Variants in CNTNAP2 observed in about 807,000 individuals in gnomAD.
CNTNAP2 encodes contactin-associated protein-like 2.
CNTNAP2 carries 98 observed loss-of-function variants against 155.2 expected under a neutral mutation model. The ratio of observed to expected loss-of-function variants is 0.63; its 90% CI spans 0.54 to 0.75. The LOEUF is 0.75. Ranked by LOEUF, CNTNAP2 falls within the 30% of genes least tolerant of loss-of-function variation. The probability of loss-of-function intolerance (pLI) is 0.00; values close to 1 mark genes in which losing one functional copy is unlikely to be tolerated. For synonymous variants in CNTNAP2, 651 were observed against 631.2 expected (o/e 1.03, Z -0.47); for missense variants, 1,727 against 1,688.1 (o/e 1.02, Z -0.40).
intron 1 of CNTNAP2, among the ~76,000 whole-genome samples, chr7:146,230,776 G>T (rs572734240): frequency 6.6e-6 from 1 of 152,108 alleles, no homozygotes; most frequent in African/African-American, 2.4e-5. Flanking sequence ...AACACTTTGG[G>T]AGGCCGAGGC....
intron 8 of CNTNAP2, among the ~76,000 whole-genome samples, chr7:147,197,943 A>C (rs1157990296): frequency 6.6e-6 from 1 of 152,220 alleles, no homozygotes; most frequent in Non-Finnish European, 1.5e-5. Flanking sequence ...TTTTACTAAG[A>C]CTTAAGCAAA....
At chr7:147,836,628 A>G (rs117645742) in intron 13 of CNTNAP2, among the ~76,000 whole-genome samples, 1,576 of 152,204 alleles carry the variant, frequency 0.01, 15 homozygotes, top group Non-Finnish European at 0.016. Flanking sequence ...TTTTTCATTT[A>G]TATTTCTGGA....
intron 1 of CNTNAP2, among the ~76,000 whole-genome samples, chr7:146,351,417 A>G (rs1794913231): frequency 6.6e-6 from 1 of 152,194 alleles, no homozygotes; most frequent in African/African-American, 2.4e-5. Flanking sequence ...GCTTATTTTA[A>G]AGAAAAATCA....
intron 10 of CNTNAP2, among the ~76,000 whole-genome samples, chr7:147,408,338 A>C (rs959075350): frequency 1.3e-5 from 2 of 152,230 alleles, no homozygotes; most frequent in African/African-American, 2.4e-5. Flanking sequence ...AGGGAGCTGG[A>C]AAGTACATGG....
chr7:146,743,498 T>A (rs1355806323), intron 1 of CNTNAP2, among the ~76,000 whole-genome samples: 1 of 152,170 alleles, frequency 6.6e-6, no homozygotes, highest in Non-Finnish European at 1.5e-5. Context: ...AGCTAAATAG[T>A]CACTTATTGT....
At chr7:147,193,962 TC>T (rs979373697) in intron 8 of CNTNAP2, among the ~76,000 whole-genome samples, 1 of 151,860 alleles carries the variant, frequency 6.6e-6, no homozygotes, top group Non-Finnish European at 1.5e-5. Flanking sequence ...GTTTTTTTTT[TC>T]TTCTAAAAAA....
At chr7:146,332,540 G>C (rs1801204242) in intron 1 of CNTNAP2, among the ~76,000 whole-genome samples, 1 of 152,074 alleles carries the variant, frequency 6.6e-6, no homozygotes, top group South Asian at 2.1e-4. Flanking sequence ...TCCGAAATCA[G>C]CAGTTATCCT....
At chr7:148,247,658 TA>T (rs1410348338) in intron 20 of CNTNAP2, among the ~76,000 whole-genome samples, 4,846 of 147,028 alleles carry the variant, frequency 0.033, 190 homozygotes, top group Non-Finnish European at 0.053. Context: ...TTTATTTATT[TA>T]TTTATTTTTT....
At chr7:147,317,298 C>T (rs1795249075) in intron 9 of CNTNAP2, among the ~76,000 whole-genome samples, 2 of 152,170 alleles carry the variant, frequency 1.3e-5, no homozygotes, top group African/African-American at 4.8e-5. Context: ...TTCCCCTACC[C>T]TTTCCACCCT....
chr7:146,121,965 T>C (rs1797569719), intron 1 of CNTNAP2, among the ~76,000 whole-genome samples: 1 of 152,212 alleles, frequency 6.6e-6, no homozygotes, highest in Non-Finnish European at 1.5e-5. Flanking sequence ...TCCTGGGCTC[T>C]GTAGAAGCTA....
In CNTNAP2 at chr7:147,243,812, G is replaced by C. The variant is rs189741062; in HGVS notation, c.1349-56329G>C. Reference sequence around the variant, plus strand: ...ATTAAAAGATCTTCAGGTCACAAAGGGCTGTCATGAACAAAGTTTCTTCTT... The same window carrying C: ...ATTAAAAGATCTTCAGGTCACAAAGCGCTGTCATGAACAAAGTTTCTTCTT... On this transcript the variant is annotated intron_variant, in intron 8 of 23. Transcript: ENST00000361727. Among the ~76,000 whole-genome samples, 410 of 151,756 alleles carry C rather than the reference G, an allele frequency of 2.7e-3. 1 individual carries two copies. Among genetic ancestry groups the C allele is most frequent in the African/African-American group, 9.2e-3 (382 of 41,368 alleles).
rs1187550401 is a variant in CNTNAP2 at position 146,837,041 on chromosome 7, T to C, written c.209-2670T>C. On this transcript the variant is annotated intron_variant, in intron 2 of 23. Transcript: ENST00000361727. ...CGTCTTTCAGCAAATAATTATAATG[T>C]GCCTTATTGTATTTTCCCTTGTATA... Among the ~76,000 whole-genome samples the C allele has an allele frequency of 3.3e-5, 5 of 152,172 alleles. No homozygotes were observed. In the East Asian group the frequency reaches 9.6e-4, roughly 29 times the overall value.
At chr7:147,987,310 A>G (rs1026639273) in intron 15 of CNTNAP2, among the ~76,000 whole-genome samples, 1 of 152,272 alleles carries the variant, frequency 6.6e-6, no homozygotes, top group South Asian at 2.1e-4. Flanking sequence ...CAGTTACTCA[A>G]CTTCAGCTGC....
intron 15 of CNTNAP2, among the ~76,000 whole-genome samples, chr7:148,069,481 G>A (rs796747102): frequency 3.9e-4 from 60 of 152,212 alleles, no homozygotes; most frequent in African/African-American, 1.4e-3. Flanking sequence ...AGAAGGGCGA[G>A]GCCGGGCACG....
chr7:147,477,122 A>G (rs952535081), intron 10 of CNTNAP2, among the ~76,000 whole-genome samples: 4 of 152,160 alleles, frequency 2.6e-5, no homozygotes, highest in African/African-American at 9.7e-5. Context: ...CTCCAGTAAA[A>G]GAGATGAGAT....
In CNTNAP2 at chr7:148,153,047, A is replaced by AAT. The variant is rs869270617; in HGVS notation, c.2773+5338_2773+5339insAT. ...AAAAAAAAAAAAAAAAAAAAAAAAA[A>AAT]GCTAAACTCTAAACCAAATACCTCC... On this transcript the variant is annotated intron_variant, in intron 17 of 23. Transcript: ENST00000361727. 7.7e-3 allele frequency among the ~76,000 whole-genome samples: 1,140 copies of AAT among 148,112 alleles called. 37 individuals carry two copies. The highest frequency in any genetic ancestry group is 0.028 in the African/African-American group (1,079 of 39,182).
At chr7:148,229,926 G>A (rs1795929084) in intron 20 of CNTNAP2, 147 bp downstream of exon 20, 1 of 843,276 alleles carries the variant, frequency 1.2e-6, no homozygotes, top group South Asian at 1.7e-5. Context: ...AACTAGTGAA[G>A]TAGAAATATA....
intron 8 of CNTNAP2, among the ~76,000 whole-genome samples, chr7:147,169,119 T>A (rs1181500783): frequency 1.3e-5 from 2 of 152,164 alleles, no homozygotes; most frequent in Non-Finnish European, 2.9e-5. Context: ...TATCTGTAAA[T>A]TGGGCTCCAA....
chr7:146,756,155 T>A (rs1287957321), intron 1 of CNTNAP2, among the ~76,000 whole-genome samples: 1 of 151,988 alleles, frequency 6.6e-6, no homozygotes, highest in Admixed American at 6.6e-5. Flanking sequence ...AATAAGTAAT[T>A]TTGACTACCT....
Sources: allele counts gnomAD v4.1 joint callset (sites outside exome capture counted in the v4.1 genomes callset), GRCh38; gene constraint gnomAD v4.1.1; transcripts MANE v1.5; gene names NCBI Gene and HGNC (gene_info 2026-07-23, HGNC 2026-07-21).